The following LDB2 variants were observed in gnomAD, a reference collection of about 807,000 sequenced individuals.
The protein encoded by LDB2 is LIM domain binding 2.
LDB2 carries 12 observed loss-of-function variants against 44.3 expected under a neutral mutation model. The observed-to-expected ratio is 0.27, with a 90% CI of 0.17 to 0.44. The LOEUF (loss-of-function observed/expected upper bound fraction) is 0.44. Ranked by LOEUF, LDB2 falls within the 20% of genes least tolerant of loss-of-function variation. The probability of loss-of-function intolerance (pLI) is 1.00; values close to 1 mark genes in which losing one functional copy is unlikely to be tolerated. For missense variants in LDB2, 344 were observed against 473.5 expected, an observed-to-expected ratio of 0.73 and a Z score of 2.54; for synonymous variants, 164 against 174.8, an observed-to-expected ratio of 0.94 and a Z score of 0.49.
At chr4:16,865,397 A>C (rs1714340432) in intron 1 of LDB2, among the ~76,000 whole-genome samples, 1 of 152,136 alleles carries the variant, frequency 6.6e-6, no homozygotes, top group African/African-American at 2.4e-5. Flanking sequence ...AAGGAAAAAT[A>C]AGCATGGGAA....
At chr4:16,629,240 C>T (rs1024939107) in intron 2 of LDB2, among the ~76,000 whole-genome samples, 6 of 152,318 alleles carry the variant, frequency 3.9e-5, no homozygotes, top group East Asian at 1.9e-4. Context: ...CAGACTTAAA[C>T]GTCCCTGCCT....
rs571281071 is a variant in LDB2, at chr4:16,843,066, A to G, written c.132+55288T>C. Among the ~76,000 whole-genome samples the G allele has an allele frequency of 7.2e-5, 11 of 152,214 alleles. No homozygotes were observed. In the East Asian group the frequency reaches 2.1e-3, roughly 29 times the overall value. On this transcript the variant is annotated intron_variant, in intron 1 of 7. Transcript: ENST00000304523. ...TTTTTTTGTACTTTTTCCTTTCCTT[A>G]TTGTCAGCCTAATTGCAATCATTCA... is the stretch of plus-strand genomic sequence containing the variant.
intron 6 of LDB2, among the ~76,000 whole-genome samples, chr4:16,509,837 C>T (rs150858030): frequency 2.3e-3 from 356 of 152,202 alleles, no homozygotes; most frequent in Middle Eastern, 6.8e-3. Context: ...CTATGCTGGA[C>T]GGGTGCCATG....
At chr4:16,692,620 GA>G (rs1192582512) in intron 2 of LDB2, among the ~76,000 whole-genome samples, 1 of 151,966 alleles carries the variant, frequency 6.6e-6, no homozygotes, top group Non-Finnish European at 1.5e-5. Context: ...GAAATAAAAA[GA>G]ACCTCTTCAA....
At chr4:16,727,446 T>C (rs1017733069) in intron 2 of LDB2, among the ~76,000 whole-genome samples, 5 of 152,216 alleles carry the variant, frequency 3.3e-5, no homozygotes, top group African/African-American at 1.2e-4. Context: ...GCATGGGGAA[T>C]GCAGTTGAAA....
At chr4:16,792,173 C>A (rs964324442) in intron 1 of LDB2, among the ~76,000 whole-genome samples, 1 of 152,122 alleles carries the variant, frequency 6.6e-6, no homozygotes, top group Non-Finnish European at 1.5e-5. Context: ...GTTTTTTATC[C>A]ACTAAACTTT....
intron 1 of LDB2, among the ~76,000 whole-genome samples, chr4:16,815,441 A>C (rs947924575): frequency 6.6e-6 from 1 of 152,216 alleles, no homozygotes; most frequent in Non-Finnish European, 1.5e-5. Flanking sequence ...GTTTCTGTTG[A>C]AGCTAGAGTA....
chr4:16,796,705 T>G (rs1579749252), intron 1 of LDB2, among the ~76,000 whole-genome samples: 3 of 152,240 alleles, frequency 2.0e-5, no homozygotes, highest in African/African-American at 7.2e-5. Context: ...AAATACTAAG[T>G]CAGCCAGGTG....
At chr4:16,699,339 T>C (rs1448904741) in intron 2 of LDB2, among the ~76,000 whole-genome samples, 1 of 152,246 alleles carries the variant, frequency 6.6e-6, no homozygotes, top group Non-Finnish European at 1.5e-5. Flanking sequence ...ATAAGGATCA[T>C]CACTAACTAA....
At chr4:16,837,398 G>A (rs1785065408) in intron 1 of LDB2, among the ~76,000 whole-genome samples, 2 of 152,166 alleles carry the variant, frequency 1.3e-5, no homozygotes, top group South Asian at 2.1e-4. Flanking sequence ...GTCAGTGGTT[G>A]TTACAGTGAT....
intron 6 of LDB2, 31 bp downstream of exon 6, chr4:16,511,949 GT>G (rs746137393): frequency 3.1e-6 from 5 of 1,599,242 alleles, no homozygotes; most frequent in Non-Finnish European, 2.6e-6. Flanking sequence ...CTGAAAACGT[GT>G]TTAGAGAGAG....
At chr4:16,558,403 C>G (rs1051523164) in intron 5 of LDB2, among the ~76,000 whole-genome samples, 6 of 152,036 alleles carry the variant, frequency 3.9e-5, no homozygotes, top group African/African-American at 1.4e-4. Flanking sequence ...TCGGGAACTA[C>G]GTGAAGAATG....
chr4:16,889,228 C>T (rs779692602), intron 1 of LDB2: 10 of 152,042 alleles, frequency 6.6e-5, no homozygotes, highest in African/African-American at 1.2e-4. Context: ...TTAATGGCCC[C>T]GAAAGCACTT....
chr4:16,616,171 A>G (rs1727262863), intron 2 of LDB2, among the ~76,000 whole-genome samples: 1 of 152,178 alleles, frequency 6.6e-6, no homozygotes, highest in Admixed American at 6.5e-5. Context: ...GGGAAGAACC[A>G]TGTCTTTTTG....
In LDB2 at chr4:16,575,354, C is replaced by A. The variant is rs181057465; in HGVS notation, c.615+10568G>T. Reference sequence around the variant, plus strand: ...TTTTAAAGTCATGTAAAACATAATGCTTAAAAAAAATAACACCCCACTTTC... The same window carrying A: ...TTTTAAAGTCATGTAAAACATAATGATTAAAAAAAATAACACCCCACTTTC... On this transcript the variant is annotated intron_variant, in intron 5 of 7. Transcript: ENST00000304523. Among the ~76,000 whole-genome samples the A allele has an allele frequency of 2.8e-3, 427 of 152,136 alleles. 1 individual carries two copies. The highest frequency in any genetic ancestry group is 4.3e-3 in the Non-Finnish European group (290 of 67,984).
intron 1 of LDB2, among the ~76,000 whole-genome samples, chr4:16,780,467 G>T (rs1579597325): frequency 1.3e-5 from 2 of 152,162 alleles, no homozygotes; most frequent in South Asian, 4.1e-4. Context: ...AAGTGATCCG[G>T]CTGCCTCAGC....
At chr4:16,741,173 C>A (rs1035974835) in intron 2 of LDB2, among the ~76,000 whole-genome samples, 1 of 152,156 alleles carries the variant, frequency 6.6e-6, no homozygotes, top group Non-Finnish European at 1.5e-5. Context: ...TGGGGCAGAT[C>A]GTCGCATTTT....
At position 16,666,854 on chromosome 4, in the gene LDB2, C is replaced by T. The variant is rs80132731; in HGVS notation, c.236-70979G>A. Among the ~76,000 whole-genome samples, 361 of 152,312 alleles carry T rather than the reference C, an allele frequency of 2.4e-3. 1 individual carries two copies. Among genetic ancestry groups the T allele is most frequent in the African/African-American group, 8.4e-3 (349 of 41,568 alleles). ...AGGCAACAGTTGTTTTCTGACAGCA[C>T]TTCATTGTGTTTTTTTAAAATGGAG... On this transcript the variant is annotated intron_variant, in intron 2 of 7. Transcript: ENST00000304523.
chr4:16,506,061 TAC>T, intron 7 of LDB2: 1 of 1,462,940 alleles, frequency 6.8e-7, no homozygotes, highest in Non-Finnish European at 9.2e-7. Context: ...CCGCAGCAGC[TAC>T]ACAGACCACA....
Sources: gnomAD v4.1 joint callset for allele counts (sites outside exome capture counted in the v4.1 genomes callset) on GRCh38, gnomAD v4.1.1 for gene constraint, MANE v1.5 for transcripts, NCBI Gene and HGNC (gene_info 2026-07-23, HGNC 2026-07-21) for gene names.